ACSL3: variants seen among roughly 807,000 people sequenced by gnomAD.
The protein encoded by ACSL3 is acyl-CoA synthetase long chain family member 3, also known as fatty acid CoA ligase Acsl3.
A neutral mutation model predicts 84.7 loss-of-function variants in ACSL3; 34 were observed. The ratio of observed to expected loss-of-function variants is 0.40; its 90% CI spans 0.31 to 0.53. The LOEUF is 0.53. ACSL3 is among the 20% of genes least tolerant of loss of function. ACSL3 has a pLI of 0.48. For missense variants in ACSL3, 680 were observed against 873.1 expected (o/e 0.78, Z 2.79); for synonymous variants, 315 against 299.4 (o/e 1.05, Z -0.54).
chr2:222,928,745 A>C, intron 12 of ACSL3, 117 bp from the exon 13 acceptor site: 1 of 873,398 alleles, frequency 1.1e-6, no homozygotes, highest in Non-Finnish European at 1.8e-6. Context: ...TCTGCTTTTA[A>C]GGAATAGCTG....
At chr2:222,937,733 G>A (rs971399646) in intron 16 of ACSL3, among the ~76,000 whole-genome samples, 3 of 151,968 alleles carry the variant, frequency 2.0e-5, no homozygotes, top group African/African-American at 7.2e-5. Flanking sequence ...CTTGAGTCTT[G>A]TTTTATATTC....
chr2:222,870,024 G>A (rs1695257414), intron 1 of ACSL3, among the ~76,000 whole-genome samples: 1 of 152,098 alleles, frequency 6.6e-6, no homozygotes, highest in Admixed American at 6.5e-5. Context: ...TTGAAGGTCT[G>A]GCCCGAGTTG....
intron 3 of ACSL3, among the ~76,000 whole-genome samples, chr2:222,907,282 A>G (rs757986243): frequency 4.6e-5 from 7 of 152,180 alleles, no homozygotes; most frequent in Non-Finnish European, 7.4e-5. Flanking sequence ...GGACTGGATG[A>G]AAGAGAAAGG....
At chr2:222,899,178 T>G (rs1457705668) in intron 2 of ACSL3, among the ~76,000 whole-genome samples, 6 of 152,194 alleles carry the variant, frequency 3.9e-5, no homozygotes, top group Non-Finnish European at 1.5e-5. Flanking sequence ...GTTTAACCTT[T>G]GGATAGCTGA....
chr2:222,919,883 C>A (rs561691338), intron 7 of ACSL3, among the ~76,000 whole-genome samples: 1 of 152,096 alleles, frequency 6.6e-6, no homozygotes, highest in Non-Finnish European at 1.5e-5. Context: ...GTGTAAAAGT[C>A]TAGTACTCGA....
chr2:222,918,228 C>G (rs1298600055), intron 6 of ACSL3, 73 bp downstream of exon 6: 1 of 902,632 alleles, frequency 1.1e-6, no homozygotes, highest in Non-Finnish European at 1.7e-6. Flanking sequence ...ATTATTGATA[C>G]TTAGTTCTTT....
chr2:222,891,918 T>A (rs759700172), intron 2 of ACSL3, among the ~76,000 whole-genome samples: 3 of 152,248 alleles, frequency 2.0e-5, no homozygotes, highest in Non-Finnish European at 4.4e-5. Context: ...AGTGGAACTT[T>A]TTATCTAATC....
At chr2:222,904,009 T>C (rs1486148140) in intron 3 of ACSL3, among the ~76,000 whole-genome samples, 1 of 152,014 alleles carries the variant, frequency 6.6e-6, no homozygotes, top group Non-Finnish European at 1.5e-5. Flanking sequence ...GCGCGGTGGC[T>C]CACGCCTGTA....
rs57522671 is a variant in ACSL3 at position 222,901,964 on chromosome 2, A to AAAAAAAAAAAAAAG, written c.-41+1184_-41+1185insAAAAAAAAAAAAAG. Among the ~76,000 whole-genome samples the AAAAAAAAAAAAAAG allele has an allele frequency of 8.4e-4, 84 of 99,446 alleles. 15 individuals carry two copies. Among genetic ancestry groups the AAAAAAAAAAAAAAG allele is most frequent in the South Asian group, 1.2e-3 (3 of 2,570 alleles). The allele number at this position is 99,446 out of a possible 152,430, so 65.2% of individuals were successfully genotyped here. On this transcript the variant is annotated intron_variant, in intron 3 of 16. Transcript: ENST00000357430. ...GTCTCAAAAAAAAAAAAAAAAAAAA[A>AAAAAAAAAAAAAAG]GAACTCAAATATTGTTGAGGTAGCA...
chr2:222,912,404 C>G (rs1378579180), intron 4 of ACSL3, among the ~76,000 whole-genome samples: 1 of 152,216 alleles, frequency 6.6e-6, no homozygotes, highest in Non-Finnish European at 1.5e-5. Flanking sequence ...ACTTTCACAA[C>G]TGGTGGGTTA....
intron 1 of ACSL3, among the ~76,000 whole-genome samples, chr2:222,870,927 T>C (rs1695284101): frequency 6.6e-6 from 1 of 152,052 alleles, no homozygotes; most frequent in Non-Finnish European, 1.5e-5. Context: ...AAATACGGGT[T>C]ATAAGGGAGT....
intron 1 of ACSL3, among the ~76,000 whole-genome samples, chr2:222,867,894 C>T (rs2106081226): frequency 6.6e-6 from 1 of 151,722 alleles, no homozygotes; most frequent in Non-Finnish European, 1.5e-5. Flanking sequence ...ATTCTTTGTC[C>T]ATTATACTTA....
At chr2:222,863,615 T>A (rs1057195116) in intron 1 of ACSL3, among the ~76,000 whole-genome samples, 1 of 152,144 alleles carries the variant, frequency 6.6e-6, no homozygotes, top group African/African-American at 2.4e-5. Context: ...AGATTTTTTT[T>A]AGGAAAGCTA....
intron 4 of ACSL3, among the ~76,000 whole-genome samples, chr2:222,913,705 G>T (rs115429737): frequency 0.012 from 1,863 of 152,228 alleles, 45 homozygotes; most frequent in African/African-American, 0.042. Context: ...TCTTTCTACA[G>T]TGCAGTTGAA....
intron 3 of ACSL3, among the ~76,000 whole-genome samples, chr2:222,901,046 C>T (rs1461258040): frequency 6.6e-6 from 1 of 152,178 alleles, no homozygotes; most frequent in Non-Finnish European, 1.5e-5. Context: ...AAAGCTCCAT[C>T]CCTACTCCCA....
At chr2:222,889,728 C>A (rs1695800134) in intron 2 of ACSL3, among the ~76,000 whole-genome samples, 1 of 152,192 alleles carries the variant, frequency 6.6e-6, no homozygotes, top group South Asian at 2.1e-4. Context: ...TTTTTAAGAG[C>A]TGGGCCAGAT....
chr2:222,902,404 A>C (rs1188713537), intron 3 of ACSL3, among the ~76,000 whole-genome samples: 1 of 152,232 alleles, frequency 6.6e-6, no homozygotes, highest in Non-Finnish European at 1.5e-5. Flanking sequence ...CATAAATTGC[A>C]TTCTGGGCTT....
chr2:222,871,865 T>G (rs1466903068), intron 1 of ACSL3, among the ~76,000 whole-genome samples: 1 of 152,160 alleles, frequency 6.6e-6, no homozygotes, highest in African/African-American at 2.4e-5. Flanking sequence ...GATAGGAGTC[T>G]TGTTGCTTTG....
intron 1 of ACSL3, among the ~76,000 whole-genome samples, chr2:222,865,416 T>C (rs1344722353): frequency 6.6e-6 from 1 of 152,204 alleles, no homozygotes; most frequent in Non-Finnish European, 1.5e-5. Flanking sequence ...AAGGTATTTG[T>C]TATTAAGGAT....
Sources: allele counts gnomAD v4.1 joint callset (sites outside exome capture counted in the v4.1 genomes callset), GRCh38; gene constraint gnomAD v4.1.1; transcripts MANE v1.5; gene names NCBI Gene and HGNC (gene_info 2026-07-23, HGNC 2026-07-21).